BMPR2: variants seen among roughly 807,000 people sequenced by gnomAD.
BMPR2 encodes bone morphogenetic protein receptor type-2.
BMPR2 carries 29 observed loss-of-function variants against 100.8 expected under a neutral mutation model. The observed-to-expected ratio is 0.29, with a 90% confidence interval of 0.21 to 0.39. The LOEUF (loss-of-function observed/expected upper bound fraction) is 0.39. Among genes scored for constraint, BMPR2 ranks in the 10% least tolerant of loss-of-function variants. The probability of loss-of-function intolerance (pLI) is 1.00; values close to 1 mark genes in which losing one functional copy is unlikely to be tolerated. For missense variants in BMPR2, 1,011 were observed against 1,274.5 expected, an observed-to-expected ratio of 0.79 and a Z score of 3.15; for synonymous variants, 382 against 442.3, an observed-to-expected ratio of 0.86 and a Z score of 1.71.
At chr2:202,514,144 T>G (rs1363882114) in intron 4 of BMPR2, among the ~76,000 whole-genome samples, 1 of 152,116 alleles carries the variant, frequency 6.6e-6, no homozygotes, top group Non-Finnish European at 1.5e-5. Flanking sequence ...TATTTTATTT[T>G]ATTTTATTTT....
chr2:202,508,873 GACAAAAGTCAAAAGAATGTTTTA>G (rs1286428514), intron 3 of BMPR2, among the ~76,000 whole-genome samples: 1 of 152,180 alleles, frequency 6.6e-6, no homozygotes, highest in Admixed American at 6.5e-5. Context: ...AAATTCCAGA[GACAAAAGTCAAAAGAATGTTTTA>G]AAGAAATGTT....
At chr2:202,551,769 G>C (rs184135674) in intron 10 of BMPR2, among the ~76,000 whole-genome samples, 2 of 152,144 alleles carry the variant, frequency 1.3e-5, no homozygotes, top group Admixed American at 6.5e-5. Context: ...GCACGATCTT[G>C]GCTCAGTGCA....
At chr2:202,451,741 T>C (rs1167864490) in intron 1 of BMPR2, among the ~76,000 whole-genome samples, 1 of 152,136 alleles carries the variant, frequency 6.6e-6, no homozygotes, top group Non-Finnish European at 1.5e-5. Flanking sequence ...GTTTTTGTTT[T>C]GTTTTTTGTT....
At position 202,556,216 on chromosome 2, in the gene BMPR2, T is replaced by C. The variant is rs1301177122; in HGVS notation, c.2551T>C (p.Phe851Leu). Residue 851 changes from phenylalanine to leucine, a missense_variant, in exon 12 of 13, where the codon TTT (phenylalanine) becomes CTT (leucine). Physicochemically the swap from Phe to Leu is conservative, Grantham distance 22. Coordinates refer to ENST00000374580, the MANE Select transcript of BMPR2 (RefSeq NM_001204.7). ...HRAQEMLQNQ[F>L]IGEDTRLNIN... is the part of the protein sequence containing the mutation. Reference sequence around the variant, plus strand: ...GGCCCAAGAAATGTTGCAGAATCAGTTTATTGGTGAGGACACCCGGCTGAA... The same window carrying C: ...GGCCCAAGAAATGTTGCAGAATCAGCTTATTGGTGAGGACACCCGGCTGAA... 15 of 1,612,228 alleles carry C rather than the reference T, an allele frequency of 9.3e-6. No individual in the cohort carries two copies. Among genetic ancestry groups the C allele is most frequent in the Non-Finnish European group, 1.3e-5 (15 of 1,178,544 alleles).
At chr2:202,545,739 ATAT>A (rs1218020522) in intron 10 of BMPR2, among the ~76,000 whole-genome samples, 2 of 152,164 alleles carry the variant, frequency 1.3e-5, no homozygotes, top group Non-Finnish European at 2.9e-5. Context: ...TCAGATTGAA[ATAT>A]TTAAGTATGT....
chr2:202,512,979 T>A (rs78062903), intron 3 of BMPR2, among the ~76,000 whole-genome samples: 4 of 151,304 alleles, frequency 2.6e-5, no homozygotes, highest in East Asian at 1.9e-4. Flanking sequence ...TTTTTTTTTT[T>A]AAAGAAACAG....
chr2:202,558,681 G>T (rs1190455428), intron 12 of BMPR2, among the ~76,000 whole-genome samples: 5 of 149,610 alleles, frequency 3.3e-5, no homozygotes, highest in Non-Finnish European at 7.4e-5. Flanking sequence ...ATCACCTGAG[G>T]TCGGGAGTTC....
intron 1 of BMPR2, among the ~76,000 whole-genome samples, chr2:202,449,264 C>T (rs577150533): frequency 1.3e-5 from 2 of 151,330 alleles, no homozygotes; most frequent in African/African-American, 2.4e-5. Context: ...GCCAAGATTG[C>T]GCTGTTACAC....
chr2:202,464,176 A>G (rs1286478136), intron 1 of BMPR2, among the ~76,000 whole-genome samples: 2 of 151,634 alleles, frequency 1.3e-5, no homozygotes, highest in Non-Finnish European at 2.9e-5. Flanking sequence ...AAAAAAAAAA[A>G]AAAAAGAATT....
chr2:202,386,741 C>T (rs936867780), intron 1 of BMPR2, among the ~76,000 whole-genome samples: 4 of 151,522 alleles, frequency 2.6e-5, no homozygotes, highest in Admixed American at 6.6e-5. Flanking sequence ...AGTACAGTGG[C>T]GCGATCTCGG....
chr2:202,539,902 C>T (rs749992588), intron 9 of BMPR2, among the ~76,000 whole-genome samples: 71 of 152,220 alleles, frequency 4.7e-4, no homozygotes, highest in Non-Finnish European at 5.9e-4. Flanking sequence ...ATAAAACTTT[C>T]CTTGAGCAAT....
chr2:202,464,689 G>C, intron 1 of BMPR2, 120 bp from the exon 2 acceptor site: 1 of 929,174 alleles, frequency 1.1e-6, no homozygotes. Flanking sequence ...TTTATGTAAA[G>C]ATTTCAGTTC....
intron 3 of BMPR2, among the ~76,000 whole-genome samples, chr2:202,470,028 G>A (rs954833892): frequency 1.3e-5 from 2 of 152,080 alleles, no homozygotes; most frequent in Non-Finnish European, 2.9e-5. Flanking sequence ...TGAAACCATC[G>A]TAGATGCATT....
chr2:202,513,713 T>C lies in BMPR2; in HGVS notation c.419-6T>C. 1 of 1,610,308 alleles carries C rather than the reference T, an allele frequency of 6.2e-7. No individual in the cohort carries two copies. Among genetic ancestry groups the C allele is most frequent in the African/African-American group, 1.3e-5 (1 of 74,976 alleles). The stretch of plus-strand genomic sequence containing the variant: ...AAATGACATTTCAAAATTTGTTTTC[T>C]TTTAGGTCCACCTCATTCATTTAAC... On this transcript the variant is annotated splice_polypyrimidine_tract_variant and splice_region_variant and intron_variant, in intron 3 of 12. Coordinates refer to ENST00000374580, the MANE Select transcript of BMPR2 (RefSeq NM_001204.7).
At chr2:202,526,522 T>TG (rs1277317190) in intron 7 of BMPR2, among the ~76,000 whole-genome samples, 1 of 152,266 alleles carries the variant, frequency 6.6e-6, no homozygotes, top group Non-Finnish European at 1.5e-5. Context: ...TCCAAAGTAT[T>TG]GCCTGTGTCA....
chr2:202,552,324 C>A (rs1027869076), intron 10 of BMPR2, among the ~76,000 whole-genome samples: 1 of 152,164 alleles, frequency 6.6e-6, no homozygotes, highest in African/African-American at 2.4e-5. Context: ...GAGAAAAGCT[C>A]ACCTAGAGAT....
Position 202,518,967 on chromosome 2 carries a change from A to G in BMPR2, c.767A>G (p.Asn256Ser). The G allele has an allele frequency of 6.2e-7, 1 of 1,614,234 alleles. No homozygotes were observed. The highest frequency in any genetic ancestry group is 1.7e-5 in the Admixed American group (1 of 60,018). Residue 256 changes from asparagine to serine, a missense_variant, in exon 6 of 13, where the codon AAC (asparagine) becomes AGC (serine). Transcript: ENST00000374580. ...AGAGTGCCTTTGATGGAACATGACA[A>G]CATTGCCCGCTTTATAGTTGGAGAT... is the stretch of plus-strand genomic sequence containing the variant. ...IYRVPLMEHDNIARFIVGDER... is the reference protein window; with the variant it reads ...IYRVPLMEHDSIARFIVGDER...
intron 3 of BMPR2, among the ~76,000 whole-genome samples, chr2:202,486,752 A>G (rs1193873243): frequency 2.0e-5 from 3 of 152,212 alleles, no homozygotes; most frequent in African/African-American, 7.2e-5. Flanking sequence ...AAGACTGGGC[A>G]TGGTGGTTTA....
rs540240230 is a variant in BMPR2, at chr2:202,565,192, C to T, written c.*5246C>T. 4.6e-5 allele frequency: 7 copies of T among 152,072 alleles called. No homozygotes were observed. Among genetic ancestry groups the T allele is most frequent in the Non-Finnish European group, 7.4e-5 (5 of 68,004 alleles). The allele number at this position is 152,072 out of a possible 1,614,324, so 9.4% of individuals were successfully genotyped here. On this transcript the variant is annotated 3_prime_UTR_variant, in exon 13 of 13. Coordinates refer to ENST00000374580, the MANE Select transcript of BMPR2 (RefSeq NM_001204.7). ...TTTGATTTTAAATTTTTTTCTTTTA[C>T]CCAGTAGGACAAAAAAGAGCAGTTG...
Sources: gnomAD v4.1 joint callset for allele counts (sites outside exome capture counted in the v4.1 genomes callset) on GRCh38, gnomAD v4.1.1 for gene constraint, MANE v1.5 for transcripts, NCBI Gene and HGNC (gene_info 2026-07-23, HGNC 2026-07-21) for gene names.